The following GRID1 variants were observed in gnomAD, a reference collection of about 807,000 sequenced individuals.
GRID1 encodes glutamate ionotropic receptor delta type subunit 1, also known as glutamate receptor ionotropic, delta-1.
Under a neutral mutation model 98.0 loss-of-function variants are expected in GRID1, and 28 were observed. The observed-to-expected ratio is 0.29, with a 90% CI of 0.21 to 0.39. The LOEUF (loss-of-function observed/expected upper bound fraction) is 0.39, where lower values mean the gene tolerates loss of function less well. GRID1 is among the 10% of genes least tolerant of loss of function. The pLI is 1.00. For missense variants in GRID1, 1,111 were observed against 1,340.5 expected, an observed-to-expected ratio of 0.83 and a Z score of 2.67; for synonymous variants, 553 against 538.5, an observed-to-expected ratio of 1.03 and a Z score of -0.37.
At chr10:86,074,134 G>T (rs1263378010) in intron 4 of GRID1, among the ~76,000 whole-genome samples, 3 of 151,626 alleles carry the variant, frequency 2.0e-5, no homozygotes, top group Non-Finnish European at 4.4e-5. Flanking sequence ...AATGTATGGG[G>T]TGGGTGAGAA....
intron 4 of GRID1, among the ~76,000 whole-genome samples, chr10:86,024,282 C>T (rs1417723673): frequency 1.3e-5 from 2 of 152,162 alleles, no homozygotes; most frequent in Admixed American, 6.5e-5. Context: ...CTGGTGCAAA[C>T]GACCCATTTA....
At chr10:86,316,404 T>A (rs1013120703) in intron 2 of GRID1, among the ~76,000 whole-genome samples, 2 of 152,228 alleles carry the variant, frequency 1.3e-5, no homozygotes, top group Non-Finnish European at 2.9e-5. Flanking sequence ...TAAGCCAGTG[T>A]TCTCCAGAGT....
intron 3 of GRID1, 81 bp from the exon 4 acceptor site, chr10:86,139,105 G>A (rs1041901595): frequency 2.2e-5 from 21 of 942,924 alleles, no homozygotes; most frequent in South Asian, 1.4e-4. Flanking sequence ...ACTGCAACAC[G>A]TTCCACCCAT....
chr10:85,741,052 C>T lies in GRID1; in HGVS notation c.1234-11438G>A, dbSNP rs78528190. On this transcript the variant is annotated intron_variant, in intron 8 of 15. Transcript: ENST00000327946. ...TACAGGTGAGCCACTGCGCCCAGCCCACATAACTTTTTGTTAAGGCAGAGA... is the reference window on the plus strand; with the variant it reads ...TACAGGTGAGCCACTGCGCCCAGCCTACATAACTTTTTGTTAAGGCAGAGA... 3.1e-3 allele frequency among the ~76,000 whole-genome samples: 473 copies of T among 152,222 alleles called. 1 individual carries two copies. The highest frequency in any genetic ancestry group is 0.011 in the African/African-American group (462 of 41,550).
chr10:86,136,576 G>A (rs1844927815), intron 4 of GRID1, among the ~76,000 whole-genome samples: 1 of 152,224 alleles, frequency 6.6e-6, no homozygotes, highest in African/African-American at 2.4e-5. Flanking sequence ...TGCAAAGTGT[G>A]AGGATTAGAG....
chr10:86,180,273 C>T (rs1368312853), intron 3 of GRID1, among the ~76,000 whole-genome samples: 1 of 152,160 alleles, frequency 6.6e-6, no homozygotes, highest in Admixed American at 6.5e-5. Context: ...TCCTCTCCTC[C>T]ATGCCACAGG....
chr10:85,654,223 T>C (rs529884480), intron 12 of GRID1, among the ~76,000 whole-genome samples: 4 of 152,332 alleles, frequency 2.6e-5, no homozygotes, highest in African/African-American at 9.6e-5. Context: ...CCATGGCGTT[T>C]TCTCTCCAAA....
chr10:85,732,067 G>T (rs998176828), intron 8 of GRID1, among the ~76,000 whole-genome samples: 1 of 152,176 alleles, frequency 6.6e-6, no homozygotes, highest in Non-Finnish European at 1.5e-5. Flanking sequence ...GACAAATGGG[G>T]TCAAGGGGTT....
intron 8 of GRID1, among the ~76,000 whole-genome samples, chr10:85,741,668 T>C (rs553831996): frequency 9.7e-4 from 148 of 152,302 alleles, no homozygotes; most frequent in African/African-American, 3.3e-3. Flanking sequence ...TTTCTCTTTT[T>C]CTTTAAGAAA....
chr10:85,778,456 T>A (rs908150707), intron 8 of GRID1, among the ~76,000 whole-genome samples: 12 of 152,130 alleles, frequency 7.9e-5, no homozygotes, highest in African/African-American at 2.9e-4. Flanking sequence ...CCCCAAAAAA[T>A]AATTCATTGT....
At chr10:86,095,174 C>A (rs1472359629) in intron 4 of GRID1, among the ~76,000 whole-genome samples, 1 of 152,142 alleles carries the variant, frequency 6.6e-6, no homozygotes, top group Non-Finnish European at 1.5e-5. Context: ...GAAACTGAAT[C>A]CTCATCTATC....
chr10:85,849,795 G>A (rs1446990961), intron 8 of GRID1, among the ~76,000 whole-genome samples: 1 of 152,096 alleles, frequency 6.6e-6, no homozygotes, highest in Admixed American at 6.5e-5. Context: ...CCCACCTATT[G>A]CAACCAGCAC....
At chr10:85,713,502 C>T (rs1841604146) in intron 12 of GRID1, among the ~76,000 whole-genome samples, 1 of 151,622 alleles carries the variant, frequency 6.6e-6, no homozygotes, top group African/African-American at 2.4e-5. Context: ...TACAAGACCA[C>T]CATTACACCT....
At chr10:85,886,464 T>A (rs564717761) in intron 5 of GRID1, among the ~76,000 whole-genome samples, 2 of 152,188 alleles carry the variant, frequency 1.3e-5, no homozygotes, top group Admixed American at 1.3e-4. Flanking sequence ...CACACTCTCA[T>A]GGGACTTGAA....
chr10:85,616,697 C>T (rs115891790), intron 14 of GRID1, among the ~76,000 whole-genome samples: 3 of 152,130 alleles, frequency 2.0e-5, no homozygotes, highest in Non-Finnish European at 2.9e-5. Flanking sequence ...AAACAAGTCA[C>T]GGGTACAAAA....
chr10:85,621,779 C>G (rs1281099740), intron 13 of GRID1, among the ~76,000 whole-genome samples: 1 of 152,092 alleles, frequency 6.6e-6, no homozygotes, highest in African/African-American at 2.4e-5. Flanking sequence ...AGATAACAAT[C>G]CTATAAATTT....
chr10:85,749,980 T>G (rs757927755), intron 8 of GRID1, among the ~76,000 whole-genome samples: 83 of 152,216 alleles, frequency 5.5e-4, no homozygotes, highest in Admixed American at 1.2e-3. Context: ...TTTTATAGAT[T>G]TCTTGTCTAT....
chr10:85,776,215 A>T (rs1842329753), intron 8 of GRID1, among the ~76,000 whole-genome samples: 1 of 152,146 alleles, frequency 6.6e-6, no homozygotes. Flanking sequence ...GACTACAAAG[A>T]TAAGCAAGCA....
intron 12 of GRID1, among the ~76,000 whole-genome samples, chr10:85,697,402 T>C (rs1841406234): frequency 2.0e-5 from 3 of 152,188 alleles, no homozygotes; most frequent in South Asian, 4.1e-4. Flanking sequence ...TGGCATAAAG[T>C]CCATTCTGTC....
Sources: gnomAD v4.1 joint callset for allele counts (sites outside exome capture counted in the v4.1 genomes callset) on GRCh38, gnomAD v4.1.1 for gene constraint, MANE v1.5 for transcripts, NCBI Gene and HGNC (gene_info 2026-07-23, HGNC 2026-07-21) for gene names.